The following PPARGC1A variants were observed in gnomAD, a reference collection of about 807,000 sequenced individuals.
PPARGC1A encodes the protein peroxisome proliferator-activated receptor gamma coactivator 1-alpha.
Under a neutral mutation model 88.7 loss-of-function variants are expected in PPARGC1A, and 25 were observed. The ratio of observed to expected loss-of-function variants is 0.28; its 90% confidence interval spans 0.21 to 0.39. The LOEUF is 0.39. Ranked by LOEUF, PPARGC1A falls within the 10% of genes least tolerant of loss-of-function variation. PPARGC1A has a pLI of 1.00. For missense variants in PPARGC1A, 880 were observed against 968.7 expected, an observed-to-expected ratio of 0.91 and a Z score of 1.22; for synonymous variants, 363 against 355.6, an observed-to-expected ratio of 1.02 and a Z score of -0.24.
intron 12 of PPARGC1A, among the ~76,000 whole-genome samples, chr4:23,798,333 C>G (rs1167739030): frequency 6.6e-6 from 1 of 152,152 alleles, no homozygotes; most frequent in East Asian, 1.9e-4. Flanking sequence ...CAAATCACAT[C>G]ACACTTATAT....
At chr4:24,038,056 T>C in the PPARGC1A span, among the ~76,000 whole-genome samples, 1 of 152,148 alleles carries the variant, frequency 6.6e-6, no homozygotes, top group Non-Finnish European at 1.5e-5. Flanking sequence ...TGGCACACAG[T>C]TCAGCAAGCA....
chr4:24,143,858 T>C, the PPARGC1A span, among the ~76,000 whole-genome samples: 6 of 152,192 alleles, frequency 3.9e-5, no homozygotes, highest in African/African-American at 7.2e-5. Context: ...TTACAGCAAA[T>C]TGGGGACAAG....
the PPARGC1A span, among the ~76,000 whole-genome samples, chr4:24,015,623 T>C: frequency 6.6e-6 from 1 of 152,232 alleles, no homozygotes; most frequent in South Asian, 2.1e-4. Context: ...TATTCTCAGT[T>C]CACAGTGGCG....
the PPARGC1A span, among the ~76,000 whole-genome samples, chr4:24,254,305 CCAGAAATA>C: frequency 6.6e-6 from 1 of 152,166 alleles, no homozygotes; most frequent in Non-Finnish European, 1.5e-5. Context: ...GGTACCTTTT[CCAGAAATA>C]CAGAAAGAGG....
At chr4:24,378,264 G>C in the PPARGC1A span, among the ~76,000 whole-genome samples, 1 of 152,146 alleles carries the variant, frequency 6.6e-6, no homozygotes, top group East Asian at 1.9e-4. Context: ...TTGAACTTGG[G>C]AGGCAGAGGC....
chr4:24,208,201 T>C, the PPARGC1A span, among the ~76,000 whole-genome samples: 1 of 152,030 alleles, frequency 6.6e-6, no homozygotes, highest in Non-Finnish European at 1.5e-5. Context: ...GAGGAGCATA[T>C]GAGCCTTGGA....
upstream of PPARGC1A, among the ~76,000 whole-genome samples, chr4:23,903,374 C>T (rs1719645007): frequency 6.6e-6 from 1 of 152,142 alleles, no homozygotes; most frequent in East Asian, 1.9e-4. Context: ...AATTTGCAGT[C>T]GGTGAAGATA....
chr4:24,074,271 C>T, the PPARGC1A span, among the ~76,000 whole-genome samples: 1 of 152,110 alleles, frequency 6.6e-6, no homozygotes, highest in Non-Finnish European at 1.5e-5. Context: ...TCCATTTCCT[C>T]ATCTATGAAT....
chr4:24,384,835 G>A, the PPARGC1A span, among the ~76,000 whole-genome samples: 2 of 151,990 alleles, frequency 1.3e-5, no homozygotes, highest in Non-Finnish European at 2.9e-5. Flanking sequence ...ACAGATCAAC[G>A]AGACAGAAAA....
At chr4:24,366,846 C>T in the PPARGC1A span, among the ~76,000 whole-genome samples, 2 of 152,124 alleles carry the variant, frequency 1.3e-5, no homozygotes, top group Non-Finnish European at 2.9e-5. Context: ...GAAATAGAAA[C>T]GAGTATTTTC....
chr4:24,121,393 G>T, the PPARGC1A span, among the ~76,000 whole-genome samples: 1 of 152,150 alleles, frequency 6.6e-6, no homozygotes, highest in African/African-American at 2.4e-5. Context: ...GTCTCCATCT[G>T]GTCTTTCTTT....
chr4:24,004,871 T>C, the PPARGC1A span, among the ~76,000 whole-genome samples: 716 of 152,284 alleles, frequency 4.7e-3, 5 homozygotes, highest in African/African-American at 0.016. Flanking sequence ...GAAAGTCTTA[T>C]TGATCATCAC....
At chr4:24,123,294 T>C in the PPARGC1A span, among the ~76,000 whole-genome samples, 169 of 152,278 alleles carry the variant, frequency 1.1e-3, no homozygotes, top group South Asian at 6.0e-3. Context: ...ATTTGGATCT[T>C]GCAGCAAGAT....
chr4:24,269,171 T>A, the PPARGC1A span, among the ~76,000 whole-genome samples: 4 of 152,240 alleles, frequency 2.6e-5, no homozygotes, highest in African/African-American at 9.6e-5. Context: ...TTTGCATTTT[T>A]TGTTTTTATG....
chr4:24,049,303 T>TGG, the PPARGC1A span, among the ~76,000 whole-genome samples: 1 of 30,862 alleles, frequency 3.2e-5, no homozygotes, highest in Non-Finnish European at 1.0e-4. Context: ...TATATATATA[T>TGG]GTGTGTATAT....
the PPARGC1A span, among the ~76,000 whole-genome samples, chr4:24,368,440 TC>T: frequency 6.6e-6 from 1 of 152,114 alleles, no homozygotes; most frequent in South Asian, 2.1e-4. Flanking sequence ...AAAAATTATC[TC>T]CCCTTTCCCC....
the PPARGC1A span, among the ~76,000 whole-genome samples, chr4:23,925,376 T>A: frequency 1.3e-5 from 2 of 152,156 alleles, no homozygotes; most frequent in African/African-American, 4.8e-5. Context: ...TGAAAACATC[T>A]GATGAAGGTA....
the PPARGC1A span, among the ~76,000 whole-genome samples, chr4:24,224,364 T>C: frequency 1.3e-5 from 2 of 152,010 alleles, no homozygotes; most frequent in African/African-American, 4.8e-5. Flanking sequence ...TAAAGAGAGC[T>C]CTGGAAGGAG....
intron 2 of PPARGC1A, among the ~76,000 whole-genome samples, chr4:23,869,668 C>T (rs932657512): frequency 6.8e-4 from 7 of 10,340 alleles, no homozygotes; most frequent in African/African-American, 2.7e-3. Context: ...GAAAATGGCA[C>T]GGCGGGGTGG....
Sources: gnomAD v4.1 joint callset for allele counts (sites outside exome capture counted in the v4.1 genomes callset) on GRCh38, gnomAD v4.1.1 for gene constraint, MANE v1.5 for transcripts, NCBI Gene and HGNC (gene_info 2026-07-23, HGNC 2026-07-21) for gene names.